Variants in EIF4G3 observed in about 807,000 individuals in gnomAD.
EIF4G3 encodes the protein eukaryotic translation initiation factor 4 gamma 3.
EIF4G3 carries 34 observed loss-of-function variants against 186.4 expected under a neutral mutation model. That is an observed-to-expected ratio of 0.18 (90% confidence interval 0.14 to 0.24). The LOEUF is 0.24. Among genes scored for constraint, EIF4G3 ranks in the 10% least tolerant of loss-of-function variants. EIF4G3 has a pLI of 1.00. For synonymous variants in EIF4G3, 673 were observed against 679.5 expected (o/e 0.99, Z 0.15); for missense variants, 1,536 against 1,948.5 (o/e 0.79, Z 3.99).
Position 20,857,697 on chromosome 1 carries a change from G to A in EIF4G3, c.3245-200C>T, listed in dbSNP as rs142145268. 1.6e-4 allele frequency among the ~76,000 whole-genome samples: 25 copies of A among 152,312 alleles called. No homozygotes were observed. In the East Asian group the frequency reaches 3.9e-3, roughly 23 times the overall value. ...GCAGAAGCACCCTGTATCAGCAGAA[G>A]CACTGCTTATTTTGGATCACCCATG... On this transcript the variant is annotated intron_variant, in intron 24 of 36. Coordinates refer to ENST00000602326, the MANE Select transcript of EIF4G3 (RefSeq NM_001391906.1).
At chr1:21,151,989 C>A (rs898173801) in intron 2 of EIF4G3, among the ~76,000 whole-genome samples, 3 of 152,064 alleles carry the variant, frequency 2.0e-5, no homozygotes, top group Non-Finnish European at 4.4e-5. Context: ...AAAAGTGAAA[C>A]CAATTCCATG....
intron 2 of EIF4G3, among the ~76,000 whole-genome samples, chr1:21,172,676 G>A (rs969405924): frequency 5.3e-5 from 8 of 152,034 alleles, no homozygotes; most frequent in African/African-American, 1.4e-4. Flanking sequence ...AGCCTACCAA[G>A]TAGCTGGGAC....
At chr1:20,955,549 A>G (rs1289102252) in intron 12 of EIF4G3, among the ~76,000 whole-genome samples, 1 of 152,178 alleles carries the variant, frequency 6.6e-6, no homozygotes. Flanking sequence ...TTTTATAAAG[A>G]TAATTCTGAC....
rs2094325178 is a variant in EIF4G3, at chr1:21,052,923, G to A, written c.-195-1929C>T. Among the ~76,000 whole-genome samples the A allele has an allele frequency of 4.6e-5, 7 of 152,318 alleles. No individual in the cohort carries two copies. The South Asian group carries it at 1.4e-3, about 32-fold the overall frequency. On this transcript the variant is annotated intron_variant, in intron 3 of 36. Transcript: ENST00000602326. ...GCTGGAGTGCAGTGGCGTGATCTCG[G>A]CTCGCTACAACCTCCACCTCCCAGC...
intron 30 of EIF4G3, among the ~76,000 whole-genome samples, chr1:20,829,667 C>T (rs1407734883): frequency 1.3e-5 from 2 of 152,166 alleles, no homozygotes; most frequent in African/African-American, 4.8e-5. Flanking sequence ...AGTTGAATAT[C>T]ATATTCTCTG....
intron 4 of EIF4G3, among the ~76,000 whole-genome samples, chr1:21,035,882 C>A (rs1472701195): frequency 6.6e-6 from 1 of 152,138 alleles, no homozygotes. Flanking sequence ...CTGGGCTGCC[C>A]ACGGACCAAC....
intron 3 of EIF4G3, among the ~76,000 whole-genome samples, chr1:21,061,137 A>AT (rs2094892027): frequency 6.6e-6 from 1 of 152,190 alleles, no homozygotes; most frequent in African/African-American, 2.4e-5. Context: ...TTGAAAGATT[A>AT]GGTGGGAAGA....
At chr1:20,938,993 G>A (rs1185563481) in intron 14 of EIF4G3, among the ~76,000 whole-genome samples, 1 of 151,886 alleles carries the variant, frequency 6.6e-6, no homozygotes, top group Non-Finnish European at 1.5e-5. Flanking sequence ...TATAATCCCA[G>A]CTACTCAGGA....
chr1:20,976,800 G>A (rs1228926898), intron 10 of EIF4G3, among the ~76,000 whole-genome samples: 1 of 152,176 alleles, frequency 6.6e-6, no homozygotes, highest in Non-Finnish European at 1.5e-5. Flanking sequence ...CACTTTGGAA[G>A]GCCAAGGCAG....
At chr1:20,938,797 C>T (rs2095604480) in intron 14 of EIF4G3, among the ~76,000 whole-genome samples, 2 of 152,066 alleles carry the variant, frequency 1.3e-5, no homozygotes, top group African/African-American at 4.8e-5. Flanking sequence ...GTCAGAAATG[C>T]TTCTGAGGCT....
intron 2 of EIF4G3, among the ~76,000 whole-genome samples, chr1:21,117,375 T>C (rs2096843901): frequency 6.6e-6 from 1 of 152,170 alleles, no homozygotes; most frequent in Admixed American, 6.5e-5. Flanking sequence ...ATTTTGACTG[T>C]ACTTTTTAAA....
chr1:21,039,330 C>T (rs1248604072), intron 4 of EIF4G3, among the ~76,000 whole-genome samples: 1 of 151,964 alleles, frequency 6.6e-6, no homozygotes, highest in Non-Finnish European at 1.5e-5. Context: ...TGAGAGAACA[C>T]AGAAAAACAA....
intron 14 of EIF4G3, among the ~76,000 whole-genome samples, chr1:20,932,357 T>C (rs1487724550): frequency 1.3e-5 from 2 of 152,190 alleles, no homozygotes; most frequent in Non-Finnish European, 2.9e-5. Flanking sequence ...ATCATTTGTG[T>C]GATCACTGGA....
chr1:20,827,476 A>G, intron 32 of EIF4G3, 141 bp downstream of exon 32: 1 of 394,156 alleles, frequency 2.5e-6, no homozygotes, highest in Non-Finnish European at 4.6e-6. Context: ...AATGCACCTC[A>G]GAAAGAAACT....
intron 2 of EIF4G3, among the ~76,000 whole-genome samples, chr1:21,096,574 T>C (rs970953849): frequency 2.0e-5 from 3 of 152,192 alleles, no homozygotes; most frequent in African/African-American, 7.2e-5. Flanking sequence ...AGTTAACAAT[T>C]CCAGTTGGGT....
intron 2 of EIF4G3, among the ~76,000 whole-genome samples, chr1:21,108,568 T>C (rs2102057352): frequency 6.6e-6 from 1 of 152,262 alleles, no homozygotes; most frequent in South Asian, 2.1e-4. Flanking sequence ...AGGACTAATA[T>C]AAATGCTTAA....
At chr1:20,923,835 T>TATATA (rs2094671179) in intron 14 of EIF4G3, among the ~76,000 whole-genome samples, 13 of 141,614 alleles carry the variant, frequency 9.2e-5, no homozygotes, top group Non-Finnish European at 2.0e-4. Flanking sequence ...ATATATATAT[T>TATATA]TATCTGTCTC....
At chr1:20,955,303 C>T (rs189607910) in intron 12 of EIF4G3, among the ~76,000 whole-genome samples, 1 of 151,978 alleles carries the variant, frequency 6.6e-6, no homozygotes, top group Admixed American at 6.6e-5. Flanking sequence ...GCAATCACAG[C>T]TCACTGCAGC....
chr1:21,064,240 G>A (rs1162516037), intron 3 of EIF4G3, among the ~76,000 whole-genome samples: 2 of 152,142 alleles, frequency 1.3e-5, no homozygotes, highest in East Asian at 3.9e-4. Flanking sequence ...TTTGTGCCCT[G>A]CAGCCACCCA....
Sources: gnomAD v4.1 joint callset for allele counts (sites outside exome capture counted in the v4.1 genomes callset) on GRCh38, gnomAD v4.1.1 for gene constraint, MANE v1.5 for transcripts, NCBI Gene and HGNC (gene_info 2026-07-23, HGNC 2026-07-21) for gene names.